Variants in SP140L observed in about 807,000 individuals in gnomAD.
SP140L encodes the protein SP140 like nuclear body protein, also known as nuclear body protein SP140-like protein.
SP140L carries 64 observed loss-of-function variants against 84.3 expected under a neutral mutation model. The observed-to-expected ratio is 0.76, with a 90% CI of 0.62 to 0.94. The LOEUF is 0.94. Among genes scored for constraint, SP140L ranks in the 40% least tolerant of loss-of-function variants. The pLI, the probability that SP140L is intolerant of heterozygous loss-of-function variation, is 0.00. For missense variants in SP140L, 628 were observed against 692.5 expected (o/e 0.91, Z 1.05); for synonymous variants, 242 against 236.9 (o/e 1.02, Z -0.20).
chr2:230,358,597 G>A (rs11887122), intron 3 of SP140L, among the ~76,000 whole-genome samples: 4 of 152,106 alleles, frequency 2.6e-5, no homozygotes, highest in Admixed American at 2.0e-4. Context: ...ATCAGTCTTG[G>A]GGGAAGAGCA....
intron 5 of SP140L, among the ~76,000 whole-genome samples, chr2:230,362,244 G>T (rs2060742239): frequency 6.6e-6 from 1 of 152,152 alleles, no homozygotes; most frequent in Admixed American, 6.5e-5. Flanking sequence ...ACTCAGGTTT[G>T]GTTGAAATGG....
At chr2:230,376,527 T>C (rs2061245116) in intron 7 of SP140L, among the ~76,000 whole-genome samples, 1 of 151,928 alleles carries the variant, frequency 6.6e-6, no homozygotes, top group Non-Finnish European at 1.5e-5. Flanking sequence ...TAACCAGAGG[T>C]GAAATATTTG....
In SP140L at chr2:230,389,971, A is replaced by G. The variant is rs2061734177; in HGVS notation, c.912A>G (p.Pro304=). 1.9e-6 allele frequency: 3 copies of G among 1,613,806 alleles called. No individual in the cohort carries two copies. The highest frequency in any genetic ancestry group is 2.2e-5 in the East Asian group (1 of 44,900). The change falls in exon 11 of 19, where the codon CCA becomes CCG. Residue 304 remains proline, a synonymous_variant. Coordinates refer to ENST00000415673, the MANE Select transcript of SP140L (RefSeq NM_138402.6). ...ETVDFQAPLL[P]VTCGGVKGIL... ...TGGATTTTCAGGCTCCTTTACTTCCAGTGACCTGTGGTGGGGTGAAGGGAA... is the reference window on the plus strand; with the variant it reads ...TGGATTTTCAGGCTCCTTTACTTCCGGTGACCTGTGGTGGGGTGAAGGGAA...
chr2:230,361,760 G>A, intron 5 of SP140L, 63 bp downstream of exon 5: 2 of 1,289,150 alleles, frequency 1.6e-6, no homozygotes, highest in South Asian at 1.3e-5. Context: ...CAAGGGAGGT[G>A]AGGGCCCAAG....
chr2:230,370,345 A>G (rs567290062), intron 5 of SP140L, among the ~76,000 whole-genome samples: 21 of 152,070 alleles, frequency 1.4e-4, no homozygotes, highest in South Asian at 4.2e-4. Context: ...TCTAGAGGTC[A>G]CCCGAGGAAT....
At chr2:230,359,961 G>GGTATTGGTGCTATACCAAACTAAAGTTTT in intron 4 of SP140L, among the ~76,000 whole-genome samples, 1 of 136,796 alleles carries the variant, frequency 7.3e-6, no homozygotes. Context: ...ACTAAAGTTT[G>GGTATTGGTGCTATACCAAACTAAAGTTTT]GTATTGGTGC....
chr2:230,332,066 T>G (rs532830311), intron 2 of SP140L, among the ~76,000 whole-genome samples: 1 of 152,222 alleles, frequency 6.6e-6, no homozygotes, highest in Non-Finnish European at 1.5e-5. Context: ...CTTGTAATGT[T>G]TAACTTGAGA....
At position 230,358,971 on chromosome 2, in the gene SP140L, A is replaced by C; in HGVS notation, c.278A>C (p.Glu93Ala). 6.3e-7 allele frequency: 1 copy of C among 1,578,128 alleles called. No homozygotes were observed. The highest frequency in any genetic ancestry group is 8.6e-7 in the Non-Finnish European group (1 of 1,168,572). The part of the protein sequence containing the change: ...LITNKMFEDS[E>A]DSCRNLVPVQ... ...CATTCAATATTTTTAAAGGATTCTGAAGATTCTTGTAGAAACCTGGTCCCT... is the reference window on the plus strand; with the variant it reads ...CATTCAATATTTTTAAAGGATTCTGCAGATTCTTGTAGAAACCTGGTCCCT... Residue 93 changes from glutamate (E) to alanine (A), a missense_variant, in exon 4 of 19, where the codon GAA becomes GCA. Glu to Ala is a moderately radical substitution (Grantham distance 107, BLOSUM62 -1). Coordinates refer to ENST00000415673, the MANE Select transcript of SP140L (RefSeq NM_138402.6).
In SP140L at chr2:230,357,965, G is replaced by A; in HGVS notation, c.268G>A (p.Glu90Lys). 1 of 1,612,420 alleles carries A rather than the reference G, an allele frequency of 6.2e-7. No homozygotes were observed. The change falls in exon 3 of 19, where the codon GAA (glutamate) becomes AAA (lysine). Residue 90 changes from glutamate (E) to lysine (K), a missense_variant and splice_region_variant. Coordinates refer to ENST00000415673, the MANE Select transcript of SP140L (RefSeq NM_138402.6). ...GGAACTCATCACAAATAAAATGTTTGAAGTAAGTAAAGTTTATTTCACAAC... is the reference window on the plus strand; with the variant it reads ...GGAACTCATCACAAATAAAATGTTTAAAGTAAGTAAAGTTTATTTCACAAC... ...DRELITNKMF[E>K]DSEDSCRNLV...
At chr2:230,358,051 A>G (rs2060603313) in intron 3 of SP140L, 84 bp downstream of exon 3, 13 of 1,503,822 alleles carry the variant, frequency 8.6e-6, no homozygotes, top group Non-Finnish European at 1.2e-5. Context: ...AAAGTAGAAA[A>G]GGAGAGGAGA....
chr2:230,402,160 A>T (rs985914865), intron 18 of SP140L, among the ~76,000 whole-genome samples: 5 of 152,130 alleles, frequency 3.3e-5, no homozygotes, highest in African/African-American at 1.2e-4. Flanking sequence ...AATCCCAGAA[A>T]TCCCAAACTC....
intron 5 of SP140L, among the ~76,000 whole-genome samples, chr2:230,366,693 G>T (rs948402789): frequency 8.7e-6 from 1 of 114,370 alleles, no homozygotes; most frequent in Non-Finnish European, 1.6e-5. Context: ...TTTTCTGGTT[G>T]TTTTGTGGAT....
intron 5 of SP140L, among the ~76,000 whole-genome samples, chr2:230,366,039 G>A (rs1031724112): frequency 2.6e-5 from 4 of 152,196 alleles, no homozygotes; most frequent in Admixed American, 1.3e-4. Flanking sequence ...CCTAATGTAT[G>A]ATTTATCTTG....
intron 2 of SP140L, among the ~76,000 whole-genome samples, chr2:230,347,558 C>G (rs754345912): frequency 6.6e-6 from 1 of 152,012 alleles, no homozygotes; most frequent in Non-Finnish European, 1.5e-5. Flanking sequence ...TGTTTACTGT[C>G]CATGCAGGTC....
intron 11 of SP140L, among the ~76,000 whole-genome samples, chr2:230,390,986 A>G (rs2061778699): frequency 6.6e-6 from 1 of 152,204 alleles, no homozygotes; most frequent in Admixed American, 6.5e-5. Flanking sequence ...GAATCCTATC[A>G]TACATCCCCT....
chr2:230,381,711 T>TACAC (rs71052506), intron 7 of SP140L, among the ~76,000 whole-genome samples: 2,788 of 146,998 alleles, frequency 0.019, 40 homozygotes, highest in East Asian at 0.028. Flanking sequence ...CCTGTCTCTC[T>TACAC]ACACACACAC....
intron 7 of SP140L, among the ~76,000 whole-genome samples, chr2:230,381,525 T>C (rs941432302): frequency 2.0e-5 from 3 of 152,162 alleles, no homozygotes; most frequent in African/African-American, 7.2e-5. Flanking sequence ...ATTTGACCCA[T>C]GGGTCCAGAT....
At chr2:230,371,129 T>C (rs1159846897) in intron 6 of SP140L, among the ~76,000 whole-genome samples, 162 bp downstream of exon 6, 1 of 152,164 alleles carries the variant, frequency 6.6e-6, no homozygotes, top group Non-Finnish European at 1.5e-5. Flanking sequence ...CATTATAAAG[T>C]TTTACTTATC....
At chr2:230,378,913 C>T (rs1284562066) in intron 7 of SP140L, among the ~76,000 whole-genome samples, 1 of 152,122 alleles carries the variant, frequency 6.6e-6, no homozygotes, top group Non-Finnish European at 1.5e-5. Context: ...TTGCCAATTC[C>T]TCCTTATTTT....
Sources: gnomAD v4.1 joint callset for allele counts (sites outside exome capture counted in the v4.1 genomes callset) on GRCh38, gnomAD v4.1.1 for gene constraint, MANE v1.5 for transcripts, NCBI Gene and HGNC (gene_info 2026-07-23, HGNC 2026-07-21) for gene names.